The following TTC23 variants were observed in gnomAD, a reference collection of about 807,000 sequenced individuals.
TTC23 encodes the protein tetratricopeptide repeat protein 23.
In TTC23, 58 loss-of-function variants were observed where a neutral mutation model predicts 55.1. The ratio of observed to expected loss-of-function variants is 1.05; its 90% confidence interval spans 0.85 to 1.31. The LOEUF is 1.31. Among genes scored for constraint, TTC23 ranks in the 50% most tolerant of loss-of-function variants. The pLI is 0.00. For synonymous variants in TTC23, 203 were observed against 199.9 expected (o/e 1.02, Z -0.13); for missense variants, 516 against 534.4 (o/e 0.97, Z 0.34).
intron 9 of TTC23, among the ~76,000 whole-genome samples, chr15:99,190,929 G>T (rs905522883): frequency 5.9e-5 from 9 of 152,096 alleles, no homozygotes; most frequent in African/African-American, 2.2e-4. Context: ...CTACAGGTGT[G>T]CATCATCACG....
At chr15:99,153,642 T>C (rs1180482874) in intron 12 of TTC23, among the ~76,000 whole-genome samples, 1 of 152,214 alleles carries the variant, frequency 6.6e-6, no homozygotes, top group African/African-American at 2.4e-5. Flanking sequence ...GAAAATTTCA[T>C]ATTCATAAAC....
At chr15:99,229,404 G>C (rs1262885373) in intron 4 of TTC23, among the ~76,000 whole-genome samples, 1 of 152,182 alleles carries the variant, frequency 6.6e-6, no homozygotes, top group Non-Finnish European at 1.5e-5. Flanking sequence ...AGCAATGAGA[G>C]AGCAATTCCT....
intron 8 of TTC23, among the ~76,000 whole-genome samples, chr15:99,201,245 C>A (rs1413190120): frequency 6.6e-6 from 1 of 152,130 alleles, no homozygotes; most frequent in Non-Finnish European, 1.5e-5. Context: ...GAATAAGAAT[C>A]TCTCATATAA....
chr15:99,157,843 T>A (rs1176312981), intron 11 of TTC23: 1 of 152,224 alleles, frequency 6.6e-6, no homozygotes, highest in Non-Finnish European at 1.5e-5. Flanking sequence ...CAATCCTCCA[T>A]ACTTTCTCCA....
chr15:99,138,238 G>C, intron 13 of TTC23, 111 bp from the exon 14 acceptor site: 2 of 1,302,754 alleles, frequency 1.5e-6, no homozygotes, highest in Non-Finnish European at 2.1e-6. Context: ...GAGAAGACTT[G>C]GTAGGGGCTA....
chr15:99,224,805 T>G (rs984363483), intron 5 of TTC23, among the ~76,000 whole-genome samples: 3 of 152,218 alleles, frequency 2.0e-5, no homozygotes, highest in Non-Finnish European at 4.4e-5. Context: ...TGTTTGGTTT[T>G]TAGTTTGTCA....
At chr15:99,156,770 A>C (rs2070645440) in intron 11 of TTC23, among the ~76,000 whole-genome samples, 1 of 152,216 alleles carries the variant, frequency 6.6e-6, no homozygotes, top group South Asian at 2.1e-4. Context: ...GACACAGCCA[A>C]ATCATATCAC....
chr15:99,150,929 C>G (rs553961164), intron 12 of TTC23, among the ~76,000 whole-genome samples: 4 of 152,302 alleles, frequency 2.6e-5, no homozygotes, highest in African/African-American at 9.6e-5. Flanking sequence ...TGCCTCTGAG[C>G]GTCCTTCTTC....
intron 10 of TTC23, among the ~76,000 whole-genome samples, chr15:99,167,505 G>C (rs2151911215): frequency 6.6e-6 from 1 of 152,324 alleles, no homozygotes; most frequent in East Asian, 1.9e-4. Context: ...GTTAGAGCAG[G>C]GAGAAGGTGT....
At chr15:99,138,212 G>A (rs1454521206) in intron 13 of TTC23, 85 bp from the exon 14 acceptor site, 7 of 1,542,718 alleles carry the variant, frequency 4.5e-6, no homozygotes, top group Non-Finnish European at 5.3e-6. Context: ...CCCAGCAGGT[G>A]CCCAGACCCA....
At chr15:99,166,965 C>T (rs2072193746) in intron 10 of TTC23, among the ~76,000 whole-genome samples, 1 of 152,206 alleles carries the variant, frequency 6.6e-6, no homozygotes, top group African/African-American at 2.4e-5. Context: ...ATCTAGGATA[C>T]AAGAAAGCTC....
At chr15:99,150,441 G>A (rs542237131) in intron 12 of TTC23, among the ~76,000 whole-genome samples, 56 of 152,332 alleles carry the variant, frequency 3.7e-4, no homozygotes, top group Admixed American at 3.6e-3. Flanking sequence ...GGTAAATATT[G>A]TAGACGTAAT....
intron 10 of TTC23, among the ~76,000 whole-genome samples, chr15:99,162,753 A>G (rs1411284942): frequency 6.6e-6 from 1 of 152,006 alleles, no homozygotes; most frequent in Non-Finnish European, 1.5e-5. Context: ...TCCTGAGATG[A>G]GCTTATGTTA....
intron 5 of TTC23, among the ~76,000 whole-genome samples, chr15:99,225,502 G>A (rs1222957895): frequency 1.3e-5 from 2 of 152,212 alleles, no homozygotes; most frequent in Non-Finnish European, 2.9e-5. Context: ...GGACTCAGGA[G>A]CCAGCTGGAA....
chr15:99,200,771 G>T (rs568632384), intron 8 of TTC23, among the ~76,000 whole-genome samples: 3 of 152,160 alleles, frequency 2.0e-5, no homozygotes, highest in East Asian at 3.9e-4. Context: ...TATATATATA[G>T]AACATTTACC....
chr15:99,170,216 C>G (rs926806856), intron 10 of TTC23, among the ~76,000 whole-genome samples: 1 of 152,084 alleles, frequency 6.6e-6, no homozygotes, highest in Admixed American at 6.5e-5. Flanking sequence ...GCAGTTTTGT[C>G]TGCATAAGGA....
chr15:99,243,993 C>T (rs1307416687), intron 2 of TTC23, among the ~76,000 whole-genome samples: 1 of 152,064 alleles, frequency 6.6e-6, no homozygotes, highest in Non-Finnish European at 1.5e-5. Context: ...ATAATTCTAA[C>T]ACAAAGAAAT....
chr15:99,155,035 G>A (rs1163122964), intron 12 of TTC23, among the ~76,000 whole-genome samples: 1 of 152,138 alleles, frequency 6.6e-6, no homozygotes, highest in Admixed American at 6.5e-5. Context: ...TGCAGATAAT[G>A]TAATAGAATA....
chr15:99,194,552 C>CAAAAAAAAAAAAAAAAAAAAAAAAAAAA (rs760038465), intron 9 of TTC23, among the ~76,000 whole-genome samples: 3 of 40,456 alleles, frequency 7.4e-5, no homozygotes, highest in African/African-American at 9.0e-5. Flanking sequence ...ACATCACGTG[C>CAAAAAAAAAAAAAAAAAAAAAAAAAAAA]AAAAAAAAAA....
Sources: allele counts gnomAD v4.1 joint callset (sites outside exome capture counted in the v4.1 genomes callset), GRCh38; gene constraint gnomAD v4.1.1; transcripts MANE v1.5; gene names NCBI Gene and HGNC (gene_info 2026-07-23, HGNC 2026-07-21).